The following DLGAP2 variants were observed in gnomAD, a reference collection of about 807,000 sequenced individuals.
DLGAP2 encodes DLG associated protein 2.
A neutral mutation model predicts 100.3 loss-of-function variants in DLGAP2; 26 were observed. That is an observed-to-expected ratio of 0.26 (90% CI 0.19 to 0.36). The LOEUF (loss-of-function observed/expected upper bound fraction) is 0.36, where lower values mean the gene tolerates loss of function less well. Ranked by LOEUF, DLGAP2 falls within the 10% of genes least tolerant of loss-of-function variation. The pLI, the probability that DLGAP2 is intolerant of heterozygous loss-of-function variation, is 1.00. For missense variants in DLGAP2, 1,858 were observed against 1,453.2 expected, an observed-to-expected ratio of 1.28 and a Z score of -4.53; for synonymous variants, 886 against 630.1, an observed-to-expected ratio of 1.41 and a Z score of -6.08.
chr8:1,522,532 C>T (rs1464279283), intron 4 of DLGAP2, among the ~76,000 whole-genome samples: 2 of 152,184 alleles, frequency 1.3e-5, no homozygotes, highest in Non-Finnish European at 2.9e-5. Context: ...GGCCCCCGGC[C>T]ATCAGCAGAT....
rs1002481280 is a variant in DLGAP2 at position 978,751 on chromosome 8, G to T, written c.73+70785G>T. Among the ~76,000 whole-genome samples the T allele has an allele frequency of 5.3e-5, 8 of 152,054 alleles. 1 individual carries two copies. Among genetic ancestry groups the T allele is most frequent in the African/African-American group, 1.9e-4 (8 of 41,366 alleles). ...GGGCATGTGTATATCATCTGGTAAG[G>T]CATTTCAATGGTGGGATTTTCCCCA... On this transcript the variant is annotated intron_variant, in intron 2 of 14. Coordinates refer to ENST00000637795, the MANE Select transcript of DLGAP2 (RefSeq NM_001346810.2).
chr8:748,733 G>A (rs1034626505), intron 1 of DLGAP2, among the ~76,000 whole-genome samples: 12 of 152,320 alleles, frequency 7.9e-5, no homozygotes, highest in East Asian at 1.9e-4. Flanking sequence ...GCACCTGCCC[G>A]CTCCTTAGAG....
intron 3 of DLGAP2, among the ~76,000 whole-genome samples, chr8:1,348,815 C>T (rs1801634565): frequency 6.6e-6 from 1 of 152,214 alleles, no homozygotes; most frequent in Non-Finnish European, 1.5e-5. Flanking sequence ...ATGGATTCAG[C>T]ACCAGCCAGT....
intron 2 of DLGAP2, among the ~76,000 whole-genome samples, chr8:966,613 A>T (rs184406831): frequency 1.3e-5 from 2 of 151,920 alleles, no homozygotes; most frequent in Non-Finnish European, 2.9e-5. Context: ...TGCTATGCAC[A>T]CTGCTTTGTA....
At chr8:851,862 G>GC (rs79145558) in intron 1 of DLGAP2, among the ~76,000 whole-genome samples, 16,738 of 152,212 alleles carry the variant, frequency 0.11, 1,398 homozygotes, top group Admixed American at 0.27. Context: ...GCTGCAGGGG[G>GC]CCCCCGCTGC....
chr8:1,260,967 G>C (rs1292745186), intron 3 of DLGAP2, among the ~76,000 whole-genome samples: 1 of 152,224 alleles, frequency 6.6e-6, no homozygotes, highest in Non-Finnish European at 1.5e-5. Context: ...CCTGCCTTTG[G>C]CCTCCATATC....
intron 2 of DLGAP2, among the ~76,000 whole-genome samples, chr8:943,888 A>G (rs1799253333): frequency 6.6e-6 from 1 of 152,292 alleles, no homozygotes; most frequent in Non-Finnish European, 1.5e-5. Context: ...TTTCTCATCC[A>G]GAATTCCAGG....
At chr8:1,439,213 G>C (rs75744870) in intron 3 of DLGAP2, among the ~76,000 whole-genome samples, 1,968 of 152,270 alleles carry the variant, frequency 0.013, 53 homozygotes, top group African/African-American at 0.046. Flanking sequence ...CCCCTCCAGA[G>C]GCAGGAGCAT....
intron 2 of DLGAP2, among the ~76,000 whole-genome samples, chr8:1,029,891 T>C (rs1801926156): frequency 6.6e-6 from 1 of 152,112 alleles, no homozygotes; most frequent in African/African-American, 2.4e-5. Context: ...ACAGAAAGAC[T>C]CTTGCAGACA....
chr8:737,773 T>C lies in DLGAP2; in HGVS notation c.-35T>C. 2.6e-6 allele frequency: 1 copy of C among 377,592 alleles called. No homozygotes were observed. The highest frequency in any genetic ancestry group is 4.7e-6 in the Non-Finnish European group (1 of 212,378). The allele number at this position is 377,592 out of a possible 1,614,324, so 23.4% of individuals were successfully genotyped here. On this transcript the variant is annotated 5_prime_UTR_variant, in exon 1 of 15. Coordinates refer to ENST00000637795, the MANE Select transcript of DLGAP2 (RefSeq NM_001346810.2). ...TCTGAGGAGGGGCCGCTTCGCCATG[T>C]CGCCCCGCACCTGCTGAGCCCGGAG...
chr8:1,382,565 A>G (rs567787604), intron 3 of DLGAP2, among the ~76,000 whole-genome samples: 4 of 152,250 alleles, frequency 2.6e-5, no homozygotes, highest in Non-Finnish European at 5.9e-5. Flanking sequence ...GTGAGACCCC[A>G]TCTCTACAAA....
intron 1 of DLGAP2, among the ~76,000 whole-genome samples, chr8:809,440 G>A (rs1473973932): frequency 2.0e-5 from 3 of 146,450 alleles, no homozygotes; most frequent in Non-Finnish European, 3.0e-5. Flanking sequence ...CTTAGGGTAA[G>A]TACTCTGTCT....
intron 4 of DLGAP2, among the ~76,000 whole-genome samples, chr8:1,543,118 C>A (rs531821579): frequency 6.6e-6 from 1 of 152,198 alleles, no homozygotes; most frequent in Non-Finnish European, 1.5e-5. Context: ...TTCACAAATA[C>A]GTGATTTACA....
chr8:1,232,809 C>T (rs991902068), intron 2 of DLGAP2, among the ~76,000 whole-genome samples: 1 of 152,166 alleles, frequency 6.6e-6, no homozygotes, highest in Admixed American at 6.5e-5. Flanking sequence ...GTAAACGTAT[C>T]GCAAGGTTTA....
chr8:1,243,556 C>G (rs903055207), intron 2 of DLGAP2, among the ~76,000 whole-genome samples: 6 of 152,276 alleles, frequency 3.9e-5, no homozygotes, highest in Admixed American at 2.0e-4. Context: ...TTTCTTCTCG[C>G]TCACGATATA....
intron 3 of DLGAP2, among the ~76,000 whole-genome samples, chr8:1,358,845 C>T (rs993857651): frequency 3.3e-5 from 5 of 150,692 alleles, no homozygotes; most frequent in Non-Finnish European, 3.0e-5. Flanking sequence ...AAATCAGGAG[C>T]CCTGCGGCAG....
chr8:1,117,612 A>G (rs761815345), intron 2 of DLGAP2, among the ~76,000 whole-genome samples: 8 of 151,912 alleles, frequency 5.3e-5, no homozygotes, highest in South Asian at 2.1e-4. Flanking sequence ...TGAGGGTGGG[A>G]TGGACGCTGA....
intron 3 of DLGAP2, among the ~76,000 whole-genome samples, chr8:1,305,479 T>C (rs1400906904): frequency 6.6e-6 from 1 of 152,220 alleles, no homozygotes; most frequent in Non-Finnish European, 1.5e-5. Context: ...GTAAGGTCTT[T>C]ATTCATACAT....
At chr8:1,519,599 G>C (rs527948461) in intron 4 of DLGAP2, among the ~76,000 whole-genome samples, 2 of 152,318 alleles carry the variant, frequency 1.3e-5, no homozygotes, top group South Asian at 2.1e-4. Context: ...CCTGAGCCTG[G>C]CTCTCCCCAT....
Sources: gnomAD v4.1 joint callset for allele counts (sites outside exome capture counted in the v4.1 genomes callset) on GRCh38, gnomAD v4.1.1 for gene constraint, MANE v1.5 for transcripts, NCBI Gene and HGNC (gene_info 2026-07-23, HGNC 2026-07-21) for gene names.